The following QRFPR variants were observed in gnomAD, a reference collection of about 807,000 sequenced individuals.
QRFPR encodes the protein pyroglutamylated RFamide peptide receptor, also known as pyroglutamylated RF-amide peptide receptor.
A neutral mutation model predicts 31.3 loss-of-function variants in QRFPR; 37 were observed. The ratio of observed to expected loss-of-function variants is 1.18; its 90% CI spans 0.91 to 1.56. The LOEUF is 1.56. Among genes scored for constraint, QRFPR ranks in the 40% most tolerant of loss-of-function variants. The probability of loss-of-function intolerance (pLI) is 0.00; values close to 1 mark genes in which losing one functional copy is unlikely to be tolerated. For synonymous variants in QRFPR, 197 were observed against 192.0 expected (o/e 1.03, Z -0.22); for missense variants, 542 against 532.5 (o/e 1.02, Z -0.18).
In QRFPR at chr4:121,328,710, T is replaced by A. The variant is rs1725260885; in HGVS notation, c.*604A>T. ...AACCCTGATTTCTGTACAAGATTTT[T>A]AAAAATCCACTGAAATAATCTTAAA... On this transcript the variant is annotated 3_prime_UTR_variant, in exon 6 of 6. Transcript: ENST00000394427. Among the ~76,000 whole-genome samples the A allele has an allele frequency of 6.6e-6, 1 of 152,232 alleles. No individual in the cohort carries two copies. Among genetic ancestry groups the A allele is most frequent in the South Asian group, 2.1e-4 (1 of 4,836 alleles).
chr4:121,352,436 G>A (rs1178935631), intron 1 of QRFPR, among the ~76,000 whole-genome samples: 4 of 152,040 alleles, frequency 2.6e-5, no homozygotes, highest in Admixed American at 6.6e-5. Flanking sequence ...AGCAGAAAAC[G>A]AAGTATGTAC....
At chr4:121,336,900 C>A in intron 2 of QRFPR, 32 bp from the exon 3 acceptor site, 1 of 1,592,220 alleles carries the variant, frequency 6.3e-7, no homozygotes, top group Non-Finnish European at 8.6e-7. Context: ...GAGAGTATGA[C>A]TCAGTTGAGT....
intron 1 of QRFPR, among the ~76,000 whole-genome samples, chr4:121,378,996 C>CA (rs1226084444): frequency 1.3e-5 from 2 of 152,092 alleles, no homozygotes; most frequent in African/African-American, 2.4e-5. Context: ...GTATGATGAT[C>CA]AAAAAATACC....
At chr4:121,345,893 G>C (rs148946562) in intron 1 of QRFPR, among the ~76,000 whole-genome samples, 3 of 152,242 alleles carry the variant, frequency 2.0e-5, no homozygotes, top group African/African-American at 4.8e-5. Flanking sequence ...GGCAGTGTTC[G>C]TATTCACTTT....
Position 121,350,638 on chromosome 4 carries a change from A to G in QRFPR, c.341-10028T>C, listed in dbSNP as rs1402823183. On this transcript the variant is annotated intron_variant, in intron 1 of 5. Transcript: ENST00000394427. ...AACACTGGACATGCTTTTCAAAACA[A>G]CTACTTGTGATTTTGATGTATTTGG... Among the ~76,000 whole-genome samples, 3 of 152,212 alleles carry G rather than the reference A, an allele frequency of 2.0e-5. No individual in the cohort carries two copies. The East Asian group carries it at 5.8e-4, about 29-fold the overall frequency.
intron 1 of QRFPR, among the ~76,000 whole-genome samples, chr4:121,354,284 G>T (rs765580356): frequency 4.6e-5 from 7 of 151,914 alleles, no homozygotes; most frequent in African/African-American, 7.2e-5. Flanking sequence ...TATTTAATTT[G>T]TATATTGCTT....
At chr4:121,341,465 T>A (rs1412896750) in intron 1 of QRFPR, among the ~76,000 whole-genome samples, 1 of 152,224 alleles carries the variant, frequency 6.6e-6, no homozygotes, top group Non-Finnish European at 1.5e-5. Context: ...TGAAATGCTC[T>A]GCCAAGCTCT....
chr4:121,338,163 C>T (rs1345055833), intron 2 of QRFPR, among the ~76,000 whole-genome samples: 2 of 152,158 alleles, frequency 1.3e-5, no homozygotes, highest in Non-Finnish European at 2.9e-5. Context: ...TTCTCACTCG[C>T]TCTTTCTCTT....
chr4:121,369,555 C>T (rs1726192761), intron 1 of QRFPR: 2 of 1,608,832 alleles, frequency 1.2e-6, no homozygotes, highest in Non-Finnish European at 1.7e-6. Flanking sequence ...GCTGGATCTT[C>T]AGCCATTCGG....
intron 4 of QRFPR, among the ~76,000 whole-genome samples, chr4:121,331,664 T>C (rs912902066): frequency 3.3e-5 from 5 of 149,326 alleles, no homozygotes; most frequent in African/African-American, 1.2e-4. Context: ...TTATTGTTAT[T>C]ATTATGGAGA....
In QRFPR at chr4:121,367,157, G is replaced by A. The variant is rs143114234; in HGVS notation, c.340+13151C>T. Among the ~76,000 whole-genome samples the A allele has an allele frequency of 1.4e-3, 211 of 149,972 alleles. 8 individuals carry two copies. The highest frequency in any genetic ancestry group is 4.9e-3 in the African/African-American group (200 of 40,494). On this transcript the variant is annotated intron_variant, in intron 1 of 5. Transcript: ENST00000394427. ...GTGGGATAGGGAGTCAGGCACACAG[G>A]GGTTGAGAAAAGTTGTCTTAAATTA...
At chr4:121,359,231 G>T (rs1005402813) in intron 1 of QRFPR, among the ~76,000 whole-genome samples, 1 of 152,134 alleles carries the variant, frequency 6.6e-6, no homozygotes, top group Non-Finnish European at 1.5e-5. Context: ...CATATGTTTA[G>T]GTTTGGAAGA....
chr4:121,351,842 G>GT (rs1417334594), intron 1 of QRFPR, among the ~76,000 whole-genome samples: 2 of 93,134 alleles, frequency 2.1e-5, no homozygotes, highest in Admixed American at 1.0e-4. Flanking sequence ...ATAAAGTAAT[G>GT]TAAAAAAAAA....
chr4:121,358,523 T>G (rs538843479), intron 1 of QRFPR, among the ~76,000 whole-genome samples: 3 of 152,340 alleles, frequency 2.0e-5, no homozygotes, highest in Non-Finnish European at 4.4e-5. Context: ...TTTTATTTAT[T>G]AATTTTTGTT....
At chr4:121,349,572 C>T (rs1725724058) in intron 1 of QRFPR, among the ~76,000 whole-genome samples, 3 of 152,116 alleles carry the variant, frequency 2.0e-5, no homozygotes, top group South Asian at 2.1e-4. Flanking sequence ...AAGTCAGTCT[C>T]ATCTTAAATC....
intron 2 of QRFPR, among the ~76,000 whole-genome samples, chr4:121,339,427 C>T (rs1725496701): frequency 6.6e-6 from 1 of 152,162 alleles, no homozygotes; most frequent in Non-Finnish European, 1.5e-5. Flanking sequence ...TTCATTGTGA[C>T]TTGCTGACTC....
chr4:121,333,499 A>G (rs897517011), intron 3 of QRFPR, among the ~76,000 whole-genome samples: 3 of 152,234 alleles, frequency 2.0e-5, no homozygotes, highest in African/African-American at 4.8e-5. Flanking sequence ...ACATCTTTCA[A>G]TTGAAAAGTA....
chr4:121,373,060 CT>C (rs1046463039), intron 1 of QRFPR, among the ~76,000 whole-genome samples: 6 of 151,972 alleles, frequency 3.9e-5, no homozygotes, highest in African/African-American at 1.5e-4. Flanking sequence ...AGAATATTCC[CT>C]TTTTTTTCTT....
chr4:121,342,133 T>C (rs1387560641), intron 1 of QRFPR, among the ~76,000 whole-genome samples: 1 of 152,176 alleles, frequency 6.6e-6, no homozygotes, highest in Non-Finnish European at 1.5e-5. Flanking sequence ...AAGGCGCGAA[T>C]AGAACACAAA....
Sources: gnomAD v4.1 joint callset for allele counts (sites outside exome capture counted in the v4.1 genomes callset) on GRCh38, gnomAD v4.1.1 for gene constraint, MANE v1.5 for transcripts, NCBI Gene and HGNC (gene_info 2026-07-23, HGNC 2026-07-21) for gene names.